Variants in ULK4 observed in about 807,000 individuals in gnomAD.
ULK4 encodes inactive serine/threonine-protein kinase ULK4.
ULK4 carries 133 observed loss-of-function variants against 160.6 expected under a neutral mutation model. That is an observed-to-expected ratio of 0.83 (90% CI 0.72 to 0.96). ULK4 has a LOEUF of 0.96. Among genes scored for constraint, ULK4 ranks in the 40% least tolerant of loss-of-function variants. The pLI, the probability that ULK4 is intolerant of heterozygous loss-of-function variation, is 0.00. For synonymous variants in ULK4, 534 were observed against 539.8 expected, an observed-to-expected ratio of 0.99 and a Z score of 0.15; for missense variants, 1,580 against 1,499.5, an observed-to-expected ratio of 1.05 and a Z score of -0.89.
chr3:41,678,296 T>C (rs1392670796), intron 29 of ULK4, among the ~76,000 whole-genome samples: 1 of 152,060 alleles, frequency 6.6e-6, no homozygotes, highest in Non-Finnish European at 1.5e-5. Flanking sequence ...TGAGCCTTTG[T>C]TCATATTACA....
intron 35 of ULK4, 34 bp from the exon 36 acceptor site, chr3:41,249,608 C>A: frequency 6.2e-7 from 1 of 1,600,338 alleles, no homozygotes; most frequent in Non-Finnish European, 8.5e-7. Context: ...CAGTGGTCAG[C>A]TGACCCGTCC....
At chr3:41,709,266 G>C (rs1411030685) in intron 25 of ULK4, among the ~76,000 whole-genome samples, 1 of 152,078 alleles carries the variant, frequency 6.6e-6, no homozygotes, top group Non-Finnish European at 1.5e-5. Flanking sequence ...TATTGTCTAG[G>C]TTATAAAGAA....
At chr3:41,673,764 G>A (rs1190862172) in intron 29 of ULK4, among the ~76,000 whole-genome samples, 6 of 151,938 alleles carry the variant, frequency 3.9e-5, no homozygotes. Context: ...ATTGCACAGC[G>A]TATTTTTCCC....
In ULK4 at chr3:41,705,426, AATACTCTATAC is replaced by A. The variant is rs1200260952; in HGVS notation, c.2635-132_2635-122del. On this transcript the variant is annotated intron_variant, in intron 25 of 36. Transcript: ENST00000301831. Reference sequence around the variant, plus strand: ...TTTTAATAACTCATAGACAGTATTAAATACTCTATACATATTATATTATTATAGTTACAAAA... The same window carrying A: ...TTTTAATAACTCATAGACAGTATTAAATATTATATTATTATAGTTACAAAA... 14 of 606,438 alleles carry A rather than the reference AATACTCTATAC, an allele frequency of 2.3e-5. No individual in the cohort carries two copies. In the African/African-American group the frequency reaches 2.4e-4, roughly 10 times the overall value. 37.6% of individuals were successfully genotyped at this position (606,438 alleles called of 1,614,324 possible). A position where few individuals can be genotyped will look rare whatever the true frequency, so the allele number is the denominator to read the frequency against.
intron 35 of ULK4, among the ~76,000 whole-genome samples, chr3:41,299,409 G>T (rs1575408944): frequency 6.6e-6 from 1 of 152,156 alleles, no homozygotes; most frequent in African/African-American, 2.4e-5. Context: ...AACTTGCAAT[G>T]ATTCTTTAAA....
intron 21 of ULK4, among the ~76,000 whole-genome samples, chr3:41,759,041 A>C (rs946019775): frequency 6.6e-6 from 1 of 152,162 alleles, no homozygotes; most frequent in African/African-American, 2.4e-5. Flanking sequence ...AATCTGAAAC[A>C]AAGCAAGTAG....
chr3:41,306,773 T>A (rs893014303), intron 35 of ULK4, among the ~76,000 whole-genome samples: 8 of 151,572 alleles, frequency 5.3e-5, no homozygotes, highest in African/African-American at 1.7e-4. Flanking sequence ...GAAGTAAACA[T>A]GGGAGACTTT....
chr3:41,954,423 A>T (rs1406557112), intron 2 of ULK4, among the ~76,000 whole-genome samples, 199 bp downstream of exon 2: 1 of 151,934 alleles, frequency 6.6e-6, no homozygotes, highest in Non-Finnish European at 1.5e-5. Flanking sequence ...CAAAAAAGAA[A>T]ATTAAGTTAG....
At chr3:41,278,254 A>T (rs568238517) in intron 35 of ULK4, 5 of 152,570 alleles carry the variant, frequency 3.3e-5, no homozygotes, top group African/African-American at 7.2e-5. Flanking sequence ...GGTGTCCGTC[A>T]TTGCTGAGGC....
intron 32 of ULK4, among the ~76,000 whole-genome samples, chr3:41,545,396 G>A (rs953010308): frequency 1.3e-5 from 2 of 152,030 alleles, no homozygotes; most frequent in African/African-American, 2.4e-5. Flanking sequence ...ACACTTTCTG[G>A]AGATATAAAA....
chr3:41,772,739 A>C (rs542846221), intron 21 of ULK4, among the ~76,000 whole-genome samples: 3 of 152,358 alleles, frequency 2.0e-5, no homozygotes, highest in East Asian at 3.9e-4. Context: ...CATCATCCTG[A>C]TACCAAAGCC....
intron 7 of ULK4, among the ~76,000 whole-genome samples, chr3:41,917,292 C>A (rs903350938): frequency 1.3e-5 from 2 of 151,838 alleles, no homozygotes; most frequent in Non-Finnish European, 2.9e-5. Context: ...TCACTCGAGG[C>A]CAGGAGTTCA....
intron 22 of ULK4, among the ~76,000 whole-genome samples, chr3:41,735,917 C>T (rs1166377705): frequency 3.5e-5 from 5 of 143,560 alleles, no homozygotes; most frequent in Non-Finnish European, 7.5e-5. Context: ...GTTCAATTCC[C>T]ACCTATGAGT....
At chr3:41,821,589 A>C (rs966006702) in intron 18 of ULK4, among the ~76,000 whole-genome samples, 8 of 152,130 alleles carry the variant, frequency 5.3e-5, no homozygotes, top group Non-Finnish European at 7.3e-5. Context: ...TCCCTTCTTC[A>C]GGGTCATTAG....
intron 2 of ULK4, among the ~76,000 whole-genome samples, chr3:41,952,826 A>G (rs978481989): frequency 1.3e-5 from 2 of 152,258 alleles, no homozygotes; most frequent in South Asian, 2.1e-4. Context: ...CCACTGTTAC[A>G]TAAATAAGCA....
chr3:41,717,250 C>A (rs2037300271), intron 23 of ULK4, among the ~76,000 whole-genome samples: 1 of 151,760 alleles, frequency 6.6e-6, no homozygotes, highest in East Asian at 1.9e-4. Context: ...TCTCATATAC[C>A]CAATACATTT....
Position 41,566,094 on chromosome 3 carries a change from T to G in ULK4, c.3157A>C (p.Ser1053Arg), listed in dbSNP as rs762598528. 2 of 1,613,812 alleles carry G rather than the reference T, an allele frequency of 1.2e-6. No individual in the cohort carries two copies. The highest frequency in any genetic ancestry group is 1.7e-6 in the Non-Finnish European group (2 of 1,179,948). Reference protein sequence around the residue: ...QESILGNTMQSVIALLSNLVA... With the variant: ...QESILGNTMQRVIALLSNLVA... Reference sequence around the variant, plus strand: ...AGATTGCTGAGTAATGCAATCACACTTTGCATGGTATTACCCAGAATGCTC... The same window carrying G: ...AGATTGCTGAGTAATGCAATCACACGTTGCATGGTATTACCCAGAATGCTC... The change falls in exon 32 of 37, where the codon AGT becomes CGT. Residue 1053 changes from serine (S) to arginine (R), a missense_variant. By Grantham distance (110) the Ser-to-Arg change is moderately radical. Coordinates refer to ENST00000301831, the MANE Select transcript of ULK4 (RefSeq NM_017886.4).
At chr3:41,592,777 C>G (rs2031439866) in intron 31 of ULK4, among the ~76,000 whole-genome samples, 1 of 152,186 alleles carries the variant, frequency 6.6e-6, no homozygotes, top group Non-Finnish European at 1.5e-5. Context: ...TTCTCTTTAT[C>G]ATATCACTTA....
At chr3:41,518,907 T>C (rs1260699841) in intron 32 of ULK4, among the ~76,000 whole-genome samples, 4 of 152,240 alleles carry the variant, frequency 2.6e-5, no homozygotes. Flanking sequence ...TACATCTTAA[T>C]AGCTTTCTTT....
Sources: allele counts gnomAD v4.1 joint callset (sites outside exome capture counted in the v4.1 genomes callset), GRCh38; gene constraint gnomAD v4.1.1; transcripts MANE v1.5; gene names NCBI Gene and HGNC (gene_info 2026-07-23, HGNC 2026-07-21).